The following EXOC6B variants were observed in gnomAD, a reference collection of about 807,000 sequenced individuals.
The protein encoded by EXOC6B is SEC15 homolog B.
In EXOC6B, 54 loss-of-function variants were observed where a neutral mutation model predicts 113.5. The ratio of observed to expected loss-of-function variants is 0.48; its 90% CI spans 0.38 to 0.60. The LOEUF is 0.60. Ranked by LOEUF, EXOC6B falls within the 20% of genes least tolerant of loss-of-function variation. The pLI is 0.00. For synonymous variants in EXOC6B, 357 were observed against 339.0 expected, an observed-to-expected ratio of 1.05 and a Z score of -0.58; for missense variants, 797 against 977.5, an observed-to-expected ratio of 0.82 and a Z score of 2.46.
At chr2:72,548,842 T>A (rs924502521) in intron 8 of EXOC6B, among the ~76,000 whole-genome samples, 2 of 152,018 alleles carry the variant, frequency 1.3e-5, no homozygotes, top group African/African-American at 4.8e-5. Context: ...CACTGAATCC[T>A]ATGTGAAGGA....
chr2:72,618,551 A>G (rs1671544585), intron 6 of EXOC6B, among the ~76,000 whole-genome samples: 2 of 152,168 alleles, frequency 1.3e-5, no homozygotes, highest in Admixed American at 6.5e-5. Flanking sequence ...TTCTTCATTA[A>G]TGAACATTCT....
At chr2:72,676,734 C>A (rs1676341321) in intron 6 of EXOC6B, among the ~76,000 whole-genome samples, 1 of 152,050 alleles carries the variant, frequency 6.6e-6, no homozygotes, top group African/African-American at 2.4e-5. Flanking sequence ...GAGGGGGAAC[C>A]ACCGAACACC....
At chr2:72,447,922 T>G (rs1002897115) in intron 18 of EXOC6B, among the ~76,000 whole-genome samples, 8 of 152,134 alleles carry the variant, frequency 5.3e-5, no homozygotes, top group Non-Finnish European at 1.2e-4. Context: ...TATTAGAACA[T>G]TTGCTAAATG....
intron 20 of EXOC6B, among the ~76,000 whole-genome samples, chr2:72,243,182 T>C (rs1046274773): frequency 6.6e-6 from 1 of 152,202 alleles, no homozygotes; most frequent in African/African-American, 2.4e-5. Flanking sequence ...ACAATCAGTG[T>C]GGCACTTCAT....
intron 8 of EXOC6B, among the ~76,000 whole-genome samples, chr2:72,522,906 C>T (rs549618301): frequency 6.6e-6 from 1 of 152,306 alleles, no homozygotes; most frequent in African/African-American, 2.4e-5. Context: ...ACTTTCACTC[C>T]ACAACAGTGT....
intron 13 of EXOC6B, 103 bp from the exon 14 acceptor site, chr2:72,496,662 A>T (rs1700051896): frequency 1.4e-6 from 1 of 710,678 alleles, no homozygotes; most frequent in East Asian, 2.7e-5. Context: ...TATTTTTCTG[A>T]TGAACTCCAA....
Position 72,484,324 on chromosome 2 carries a change from C to T in EXOC6B, c.1666-3574G>A, listed in dbSNP as rs552965156. ...CTGTAATCCCAGCACTTTGGGAGGC[C>T]GAGACGGGCGGATCACGAGGTCAGG... On this transcript the variant is annotated intron_variant, in intron 16 of 21. Transcript: ENST00000272427. Among the ~76,000 whole-genome samples, 13 of 150,456 alleles carry T rather than the reference C, an allele frequency of 8.6e-5. No individual in the cohort carries two copies. In the South Asian group the frequency reaches 1.9e-3, roughly 22 times the overall value.
intron 17 of EXOC6B, among the ~76,000 whole-genome samples, chr2:72,467,778 AT>A (rs201874813): frequency 5.0e-4 from 74 of 148,032 alleles, no homozygotes; most frequent in South Asian, 4.3e-4. Flanking sequence ...TTTTTTATTT[AT>A]TTTTTTTTTG....
intron 16 of EXOC6B, among the ~76,000 whole-genome samples, chr2:72,484,075 G>T (rs1191983233): frequency 6.6e-6 from 1 of 151,582 alleles, no homozygotes; most frequent in East Asian, 1.9e-4. Context: ...AAATTTTTCT[G>T]TCTCTCCTTC....
chr2:72,311,520 T>G (rs1488369982), intron 20 of EXOC6B, among the ~76,000 whole-genome samples: 1 of 152,096 alleles, frequency 6.6e-6, no homozygotes, highest in Non-Finnish European at 1.5e-5. Context: ...TCTGAACCAC[T>G]TTTTCTGCCT....
intron 20 of EXOC6B, among the ~76,000 whole-genome samples, chr2:72,316,101 A>G (rs747269922): frequency 4.6e-5 from 7 of 152,192 alleles, no homozygotes; most frequent in Non-Finnish European, 1.5e-5. Context: ...TATGTCTTAT[A>G]GAGACATAAC....
chr2:72,230,348 C>A (rs1284471488), intron 20 of EXOC6B, among the ~76,000 whole-genome samples: 1 of 152,106 alleles, frequency 6.6e-6, no homozygotes, highest in African/African-American at 2.4e-5. Flanking sequence ...AAGGGAAGAA[C>A]TAGTAGAAAG....
chr2:72,515,201 T>G, intron 8 of EXOC6B, 75 bp from the exon 9 acceptor site: 1 of 1,371,390 alleles, frequency 7.3e-7, no homozygotes, highest in Non-Finnish European at 1.0e-6. Flanking sequence ...AAAGAGAAGG[T>G]CCCAGGTCTG....
chr2:72,610,678 G>A (rs973814135), intron 6 of EXOC6B, among the ~76,000 whole-genome samples: 4 of 152,192 alleles, frequency 2.6e-5, no homozygotes, highest in East Asian at 3.9e-4. Context: ...GGGTAAGGTG[G>A]GGAGAGAAGA....
intron 6 of EXOC6B, among the ~76,000 whole-genome samples, chr2:72,641,923 G>A (rs568564511): frequency 5.9e-5 from 9 of 152,350 alleles, no homozygotes; most frequent in South Asian, 2.1e-4. Flanking sequence ...TGCAGCCTCC[G>A]CTGGTGATAC....
intron 8 of EXOC6B, among the ~76,000 whole-genome samples, chr2:72,528,123 G>A (rs996684907): frequency 6.6e-5 from 10 of 152,078 alleles, no homozygotes; most frequent in Admixed American, 6.5e-4. Context: ...TAAGAACTCT[G>A]CCTACCCTTA....
At chr2:72,691,858 A>G (rs931077895) in intron 6 of EXOC6B, among the ~76,000 whole-genome samples, 2 of 148,856 alleles carry the variant, frequency 1.3e-5, no homozygotes, top group Admixed American at 6.7e-5. Flanking sequence ...TTTTTTTTCT[A>G]TTTTTAGAAG....
intron 18 of EXOC6B, among the ~76,000 whole-genome samples, chr2:72,410,126 G>A (rs546250286): frequency 5.5e-4 from 83 of 152,276 alleles, no homozygotes; most frequent in African/African-American, 1.9e-3. Flanking sequence ...AATTGGTTCT[G>A]ACAGTTTCTG....
In EXOC6B at chr2:72,730,987, C is replaced by G. The variant is rs773720573; in HGVS notation, c.464+20G>C. ...GAAATTTTAGATAGTAAAAACTGTT[C>G]GATTAAAAAAAAATCTTACCTTTTA... On this transcript the variant is annotated intron_variant, in intron 5 of 21. Coordinates refer to ENST00000272427, the MANE Select transcript of EXOC6B (RefSeq NM_015189.3). 6.6e-7 allele frequency: 1 copy of G among 1,508,512 alleles called. No homozygotes were observed. 93.4% of individuals were successfully genotyped at this position (1,508,512 alleles called of 1,614,324 possible).
Sources: gnomAD v4.1 joint callset for allele counts (sites outside exome capture counted in the v4.1 genomes callset) on GRCh38, gnomAD v4.1.1 for gene constraint, MANE v1.5 for transcripts, NCBI Gene and HGNC (gene_info 2026-07-23, HGNC 2026-07-21) for gene names.